Variants in STOX1 observed in about 807,000 individuals in gnomAD.
STOX1 encodes storkhead box 1, also known as storkhead-box protein 1.
A neutral mutation model predicts 74.8 loss-of-function variants in STOX1; 57 were observed. The ratio of observed to expected loss-of-function variants is 0.76; its 90% CI spans 0.62 to 0.95. The LOEUF (loss-of-function observed/expected upper bound fraction) is 0.95. Among genes scored for constraint, STOX1 ranks in the 40% least tolerant of loss-of-function variants. STOX1 has a pLI of 0.00. For missense variants in STOX1, 1,010 were observed against 1,117.0 expected, an observed-to-expected ratio of 0.90 and a Z score of 1.37; for synonymous variants, 375 against 401.3, an observed-to-expected ratio of 0.93 and a Z score of 0.78.
intron 1 of STOX1, among the ~76,000 whole-genome samples, chr10:68,860,418 A>ATGGTG (rs1840235862): frequency 6.6e-6 from 1 of 150,934 alleles, no homozygotes; most frequent in Non-Finnish European, 1.5e-5. Flanking sequence ...CTAAAAATAC[A>ATGGTG]AAAAATTAGC....
At chr10:68,856,567 G>A (rs1840131593) in intron 1 of STOX1, among the ~76,000 whole-genome samples, 1 of 152,068 alleles carries the variant, frequency 6.6e-6, no homozygotes. Flanking sequence ...CCCTGTGTAG[G>A]GGACTAGTGC....
At position 68,827,686 on chromosome 10, in the gene STOX1, G is replaced by A. The variant is rs1247972213; in HGVS notation, c.63G>A (p.Ala21=). The A allele has an allele frequency of 9.8e-7, 1 of 1,016,082 alleles. No homozygotes were observed. Among genetic ancestry groups the A allele is most frequent in the Non-Finnish European group, 1.2e-6 (1 of 821,824 alleles). 62.9% of individuals were successfully genotyped at this position (1,016,082 alleles called of 1,614,324 possible). A position where few individuals can be genotyped will look rare whatever the true frequency, so the allele number is the denominator to read the frequency against. ...SLALVLCRLE[A]QKAAGAAEEP... is the part of the protein sequence containing the mutation. ...CGCTAGTGCTGTGCCGGCTGGAGGC[G>A]CAGAAGGCGGCGGGGGCCGCGGAGG... The change falls in exon 1 of 4, where the codon GCG becomes GCA. Residue 21 remains alanine, a synonymous_variant. Coordinates refer to ENST00000298596, the MANE Select transcript of STOX1 (RefSeq NM_152709.5).
At chr10:68,858,140 C>T (rs1440188072) in intron 1 of STOX1, among the ~76,000 whole-genome samples, 5 of 152,054 alleles carry the variant, frequency 3.3e-5, no homozygotes, top group East Asian at 1.9e-4. Context: ...AGATGGACCT[C>T]GCTTGTTCTG....
In STOX1 at chr10:68,884,859, C is replaced by G. The variant is rs377238468; in HGVS notation, c.1063C>G (p.Arg355Gly). 8.7e-6 allele frequency: 14 copies of G among 1,613,978 alleles called. No homozygotes were observed. Among genetic ancestry groups the G allele is most frequent in the Non-Finnish European group, 1.2e-5 (14 of 1,179,958 alleles). The change falls in exon 3 of 4, where the codon CGA becomes GGA. Residue 355 changes from arginine to glycine, a missense_variant. Coordinates refer to ENST00000298596, the MANE Select transcript of STOX1 (RefSeq NM_152709.5). ...TGAAGATGACTTGGACAATATCCCT[C>G]GAGATGTTGAACATGAGATAATCAA... ...RDEDDLDNIP[R>G]DVEHEIIKRI...
intron 1 of STOX1, among the ~76,000 whole-genome samples, chr10:68,867,298 A>G (rs559526708): frequency 1.5e-4 from 23 of 152,232 alleles, no homozygotes; most frequent in African/African-American, 5.5e-4. Context: ...ACTGATTGAC[A>G]GCCTGTTTAA....
intron 1 of STOX1, among the ~76,000 whole-genome samples, chr10:68,845,773 T>C (rs1167213641): frequency 2.0e-5 from 3 of 151,698 alleles, no homozygotes; most frequent in Non-Finnish European, 4.4e-5. Context: ...GGCTAATTTT[T>C]GTATTTTTAG....
intron 1 of STOX1, among the ~76,000 whole-genome samples, chr10:68,862,366 G>A (rs563540297): frequency 6.6e-5 from 10 of 152,132 alleles, no homozygotes; most frequent in East Asian, 5.8e-4. Flanking sequence ...ACAAGAGAAC[G>A]ATCTACATTC....
chr10:68,894,762 GTCAC>G (rs1323126575), downstream of STOX1, among the ~76,000 whole-genome samples: 7 of 152,158 alleles, frequency 4.6e-5, no homozygotes, highest in Non-Finnish European at 1.0e-4. Context: ...CGGGGTCTCT[GTCAC>G]TCAGGCTGGA....
At chr10:68,871,975 G>A (rs1349697549) in intron 1 of STOX1, among the ~76,000 whole-genome samples, 1 of 152,168 alleles carries the variant, frequency 6.6e-6, no homozygotes, top group Non-Finnish European at 1.5e-5. Flanking sequence ...AATCACGAAA[G>A]CTTCTTGGAT....
chr10:68,885,708 C>G lies in STOX1; in HGVS notation c.1912C>G (p.Pro638Ala), dbSNP rs1339051462. 1 of 1,614,026 alleles carries G rather than the reference C, an allele frequency of 6.2e-7. No individual in the cohort carries two copies. Among genetic ancestry groups the G allele is most frequent in the Non-Finnish European group, 8.5e-7 (1 of 1,180,046 alleles). Residue 638 changes from proline (P) to alanine (A), a missense_variant, in exon 3 of 4, where the codon CCG becomes GCG. Pro to Ala is a conservative substitution (Grantham distance 27). Coordinates refer to ENST00000298596, the MANE Select transcript of STOX1 (RefSeq NM_152709.5). The stretch of plus-strand genomic sequence containing the variant: ...CAAATTAGGGGAGACCAAACAGACT[C>G]CGCATAGTCTGCCATCACGAGGTGC... Reference protein sequence around the residue: ...FDKLGETKQTPHSLPSRGASF... With the variant: ...FDKLGETKQTAHSLPSRGASF...
At chr10:68,867,293 T>C (rs1840434217) in intron 1 of STOX1, among the ~76,000 whole-genome samples, 1 of 152,112 alleles carries the variant, frequency 6.6e-6, no homozygotes, top group Non-Finnish European at 1.5e-5. Context: ...TTCATACTGA[T>C]TGACAGCCTG....
chr10:68,869,041 G>A (rs1004227965), intron 1 of STOX1, among the ~76,000 whole-genome samples: 5 of 152,134 alleles, frequency 3.3e-5, no homozygotes, highest in African/African-American at 9.7e-5. Context: ...TATTTATCCC[G>A]TGCTGCCTTA....
intron 2 of STOX1, among the ~76,000 whole-genome samples, chr10:68,882,627 T>C (rs552670367): frequency 6.6e-6 from 1 of 152,090 alleles, no homozygotes; most frequent in East Asian, 1.9e-4. Context: ...GCCTCCTCAG[T>C]AGCTGGGATT....
At chr10:68,837,605 T>C (rs986938225) in intron 1 of STOX1, among the ~76,000 whole-genome samples, 10 of 152,208 alleles carry the variant, frequency 6.6e-5, no homozygotes, top group Non-Finnish European at 1.0e-4. Context: ...TCTGGAATGG[T>C]GGCGCCTTGG....
downstream of STOX1, chr10:68,895,393 T>C (rs1042405052): frequency 6.6e-6 from 1 of 152,262 alleles, no homozygotes; most frequent in Non-Finnish European, 1.5e-5. Context: ...AAACTCATCA[T>C]ATAACACAGA....
At chr10:68,883,580 AT>A (rs1193259484) in intron 2 of STOX1, among the ~76,000 whole-genome samples, 1 of 151,822 alleles carries the variant, frequency 6.6e-6, no homozygotes, top group Non-Finnish European at 1.5e-5. Flanking sequence ...TGCCCTGCTA[AT>A]TTTTGTATTT....
rs1345663387 is a variant in STOX1, at chr10:68,885,579, G to A, written c.1783G>A (p.Gly595Ser). The change falls in exon 3 of 4, where the codon GGT becomes AGT. Residue 595 changes from glycine (G) to serine (S), a missense_variant. Gly to Ser is a moderately conservative substitution (Grantham distance 56). Transcript: ENST00000298596. ...TCAACAGAGCATGTTGCAAAATGAT[G>A]GTAAATGCTGTCCCTTTATGGAAAG... ...HPQQSMLQNDGKCCPFMESML... is the reference protein window; with the variant it reads ...HPQQSMLQNDSKCCPFMESML... 1 of 1,614,198 alleles carries A rather than the reference G, an allele frequency of 6.2e-7. No individual in the cohort carries two copies. The highest frequency in any genetic ancestry group is 1.7e-5 in the Admixed American group (1 of 60,012).
At chr10:68,876,376 G>A (rs1276050070) in intron 1 of STOX1, among the ~76,000 whole-genome samples, 2 of 151,746 alleles carry the variant, frequency 1.3e-5, no homozygotes, top group Non-Finnish European at 2.9e-5. Flanking sequence ...GGCTGGTCTC[G>A]AACTCCCGAC....
chr10:68,848,172 AG>A (rs55751445), intron 1 of STOX1, among the ~76,000 whole-genome samples: 65,564 of 152,086 alleles, frequency 0.43, 14,653 homozygotes, highest in Non-Finnish European at 0.51. Context: ...GAGGGACACT[AG>A]GTCCTGTTGC....
Sources: gnomAD v4.1 joint callset for allele counts (sites outside exome capture counted in the v4.1 genomes callset) on GRCh38, gnomAD v4.1.1 for gene constraint, MANE v1.5 for transcripts, NCBI Gene and HGNC (gene_info 2026-07-23, HGNC 2026-07-21) for gene names.